The following WDR25 variants were observed in gnomAD, a reference collection of about 807,000 sequenced individuals.
The protein encoded by WDR25 is WD repeat domain 25.
Under a neutral mutation model 47.7 loss-of-function variants are expected in WDR25, and 35 were observed. The observed-to-expected ratio is 0.73, with a 90% CI of 0.56 to 0.97. WDR25 has a LOEUF of 0.97. Among genes scored for constraint, WDR25 ranks in the 50% least tolerant of loss-of-function variants. WDR25 has a pLI of 0.00. For synonymous variants in WDR25, 248 were observed against 278.9 expected, an observed-to-expected ratio of 0.89 and a Z score of 1.10; for missense variants, 634 against 704.7, an observed-to-expected ratio of 0.90 and a Z score of 1.14.
intron 5 of WDR25, among the ~76,000 whole-genome samples, chr14:100,527,058 A>G (rs1173203133): frequency 1.6e-5 from 2 of 127,038 alleles, no homozygotes; most frequent in Non-Finnish European, 3.4e-5. Flanking sequence ...CACCACCACC[A>G]TCTCCGTCAC....
At chr14:100,386,946 C>T (rs1404376850) in intron 2 of WDR25, among the ~76,000 whole-genome samples, 2 of 151,976 alleles carry the variant, frequency 1.3e-5, no homozygotes, top group Non-Finnish European at 2.9e-5. Flanking sequence ...TTAGCTAAAG[C>T]CCTTGTGTGT....
At chr14:100,421,605 T>C (rs1277206858) in intron 2 of WDR25, among the ~76,000 whole-genome samples, 1 of 152,212 alleles carries the variant, frequency 6.6e-6, no homozygotes, top group Admixed American at 6.5e-5. Flanking sequence ...TTTTCCGTAT[T>C]TATACTGGGT....
rs1900809177 is a variant in WDR25 at position 100,498,498 on chromosome 14, G to GAACACTGCGGAGCACCTGCTGTTTAT, written c.1101+14376_1101+14401dup. Among the ~76,000 whole-genome samples the GAACACTGCGGAGCACCTGCTGTTTAT allele has an allele frequency of 6.6e-6, 1 of 151,918 alleles. No homozygotes were observed. Reference sequence around the variant, plus strand: ...GGCTCACCTCACTCATTTGCTCATTGAACACTGCGGAGCACCTGCTGTTTA... The same window carrying GAACACTGCGGAGCACCTGCTGTTTAT: ...GGCTCACCTCACTCATTTGCTCATTGAACACTGCGGAGCACCTGCTGTTTATAACACTGCGGAGCACCTGCTGTTTA... On this transcript the variant is annotated intron_variant, in intron 4 of 6. Transcript: ENST00000402312. The surrounding 1 kb of genome is among the most constrained non-coding windows in gnomAD (Gnocchi z 4.2).
intron 2 of WDR25, among the ~76,000 whole-genome samples, chr14:100,417,525 T>A (rs1404019962): frequency 6.6e-6 from 1 of 152,142 alleles, no homozygotes; most frequent in Non-Finnish European, 1.5e-5. Flanking sequence ...CAGCCACTCT[T>A]CCCTGGTGGC....
intron 4 of WDR25, among the ~76,000 whole-genome samples, chr14:100,519,822 T>G (rs867061179): frequency 2.9e-5 from 4 of 139,482 alleles, no homozygotes; most frequent in Non-Finnish European, 6.1e-5. Context: ...ATGTATACTA[T>G]ATGTATATAT....
chr14:100,469,301 C>T (rs557178313), intron 3 of WDR25, among the ~76,000 whole-genome samples: 18 of 152,318 alleles, frequency 1.2e-4, no homozygotes, highest in Admixed American at 5.2e-4. Flanking sequence ...TGAGTGTGGG[C>T]GGCCTTGCAG....
Position 100,488,939 on chromosome 14 carries a change from G to T in WDR25, c.1101+4815G>T, listed in dbSNP as rs1371564992. On this transcript the variant is annotated intron_variant, in intron 4 of 6. Transcript: ENST00000402312. This position sits in a 1 kb window ranked among gnomAD's most constrained non-coding sequence, Gnocchi z 4.2. ...CCCCGACAGGGCCTGGACCAGAGCA[G>T]GTGTTCAGGATAACCTGGAGTGAGC... Among the ~76,000 whole-genome samples the T allele has an allele frequency of 6.6e-6, 1 of 152,202 alleles. No homozygotes were observed. The highest frequency in any genetic ancestry group is 1.5e-5 in the Non-Finnish European group (1 of 68,042).
intron 2 of WDR25, among the ~76,000 whole-genome samples, chr14:100,418,737 A>G (rs960629134): frequency 6.6e-6 from 1 of 151,392 alleles, no homozygotes; most frequent in African/African-American, 2.4e-5. Flanking sequence ...AGTTTATGGG[A>G]CATCCCTGGG....
intron 2 of WDR25, among the ~76,000 whole-genome samples, chr14:100,431,378 T>C (rs1194597005): frequency 6.6e-6 from 1 of 152,170 alleles, no homozygotes; most frequent in African/African-American, 2.4e-5. Context: ...TTAAAAGTAA[T>C]ATACATTTGA....
In WDR25 at chr14:100,392,185, C is replaced by T. The variant is rs1281461737; in HGVS notation, c.822+10439C>T. 6.6e-6 allele frequency among the ~76,000 whole-genome samples: 1 copy of T among 152,084 alleles called. No homozygotes were observed. The highest frequency in any genetic ancestry group is 1.5e-5 in the Non-Finnish European group (1 of 68,028). On this transcript the variant is annotated intron_variant, in intron 2 of 6. Transcript: ENST00000402312. This position sits in a 1 kb window ranked among gnomAD's most constrained non-coding sequence, Gnocchi z 4.2. ...TACGCGAAGTACCCATAGCTATAAT[C>T]CGAAAAAACAACAGCTCTTTGGGGT...
At position 100,407,818 on chromosome 14, in the gene WDR25, C is replaced by T. The variant is rs552506826; in HGVS notation, c.822+26072C>T. Among the ~76,000 whole-genome samples, 5 of 143,320 alleles carry T rather than the reference C, an allele frequency of 3.5e-5. No homozygotes were observed. The highest frequency in any genetic ancestry group is 1.9e-4 in the East Asian group (1 of 5,136). The allele number at this position is 143,320 out of a possible 152,430, so 94.0% of individuals were successfully genotyped here. ...TGGGATTGGAGATGTAGCCCGTCCC[C>T]GTTCAGGAGCCTCTCACGTGTATTG... On this transcript the variant is annotated intron_variant, in intron 2 of 6. Coordinates refer to ENST00000402312, the MANE Select transcript of WDR25 (RefSeq NM_001161476.3). The surrounding 1 kb of genome is among the most constrained non-coding windows in gnomAD (Gnocchi z 4.1).
At position 100,468,831 on chromosome 14, in the gene WDR25, G is replaced by A. The variant is rs531247908; in HGVS notation, c.970+663G>A. Among the ~76,000 whole-genome samples the A allele has an allele frequency of 5.3e-5, 8 of 152,142 alleles. No individual in the cohort carries two copies. The East Asian group carries it at 1.5e-3, about 29-fold the overall frequency. On this transcript the variant is annotated intron_variant, in intron 3 of 6. Coordinates refer to ENST00000402312, the MANE Select transcript of WDR25 (RefSeq NM_001161476.3). The surrounding 1 kb of genome is among the most constrained non-coding windows in gnomAD (Gnocchi z 4.5). ...GGACTGCCAGGGAGTGACAGAGCTG[G>A]GATTCGCACCTCTGCCATCTGCCTC...
At chr14:100,486,913 G>A (rs1471777563) in intron 4 of WDR25, among the ~76,000 whole-genome samples, 2 of 152,046 alleles carry the variant, frequency 1.3e-5, no homozygotes, top group African/African-American at 4.8e-5. Context: ...GGGAAATTCA[G>A]GTAAAGAGAG....
At chr14:100,442,945 G>A (rs1898713226) in intron 2 of WDR25, among the ~76,000 whole-genome samples, 1 of 152,350 alleles carries the variant, frequency 6.6e-6, no homozygotes, top group East Asian at 1.9e-4. Context: ...GAAGAAAACA[G>A]CTCAGTAAGT....
intron 2 of WDR25, among the ~76,000 whole-genome samples, chr14:100,419,195 C>A (rs1897959676): frequency 6.7e-6 from 1 of 148,386 alleles, no homozygotes; most frequent in African/African-American, 2.5e-5. Context: ...GCACTCCAGC[C>A]TGGGCGACAG....
intron 2 of WDR25, among the ~76,000 whole-genome samples, chr14:100,466,563 A>T (rs890916085): frequency 6.6e-6 from 1 of 152,188 alleles, no homozygotes; most frequent in Non-Finnish European, 1.5e-5. Context: ...CTGTGCAGCC[A>T]TTACCTCCTC....
chr14:100,476,809 C>T (rs1900032735), intron 3 of WDR25, among the ~76,000 whole-genome samples: 1 of 152,286 alleles, frequency 6.6e-6, no homozygotes, highest in South Asian at 2.1e-4. Flanking sequence ...CCTTCCTTGA[C>T]TGTGAACTGC....
chr14:100,485,531 TG>T (rs1900354179), intron 4 of WDR25, among the ~76,000 whole-genome samples: 1 of 152,184 alleles, frequency 6.6e-6, no homozygotes, highest in South Asian at 2.1e-4. Context: ...AGGATGTCTA[TG>T]GGGACTTGGC....
chr14:100,479,282 G>A (rs556468117), intron 3 of WDR25, among the ~76,000 whole-genome samples: 66 of 152,300 alleles, frequency 4.3e-4, no homozygotes, highest in African/African-American at 1.5e-3. Flanking sequence ...TGCTCCCTGA[G>A]CAGGGGGACT....
Sources: allele counts gnomAD v4.1 joint callset (sites outside exome capture counted in the v4.1 genomes callset), GRCh38; gene constraint gnomAD v4.1.1; non-coding constraint Gnocchi (gnomAD v3.1); transcripts MANE v1.5; gene names NCBI Gene and HGNC (gene_info 2026-07-23, HGNC 2026-07-21).